Variants in AP4E1 observed in about 807,000 individuals in gnomAD.
AP4E1 encodes adaptor related protein complex 4 subunit epsilon 1, also known as AP-4 complex subunit epsilon-1.
Under a neutral mutation model 128.2 loss-of-function variants are expected in AP4E1, and 56 were observed. The observed-to-expected ratio is 0.44, with a 90% CI of 0.35 to 0.55. The LOEUF (loss-of-function observed/expected upper bound fraction) is 0.55. AP4E1 is among the 20% of genes least tolerant of loss of function. The pLI is 0.00. For missense variants in AP4E1, 1,324 were observed against 1,307.7 expected, an observed-to-expected ratio of 1.01 and a Z score of -0.19; for synonymous variants, 484 against 473.1, an observed-to-expected ratio of 1.02 and a Z score of -0.30.
intron 1 of AP4E1, among the ~76,000 whole-genome samples, chr15:50,909,775 C>T (rs2063541548): frequency 6.6e-6 from 1 of 151,926 alleles, no homozygotes; most frequent in Non-Finnish European, 1.5e-5. Flanking sequence ...ACAAGCTCCG[C>T]CTTCCGGGTT....
In AP4E1 at chr15:51,002,567, C is replaced by T. The variant is rs775470936; in HGVS notation, c.3319C>T (p.His1107Tyr). ...SIPCLLHCRV[H>Y]ADVLALWFRS... ...CCCCTGCTTACTGCATTGCCGAGTT[C>T]ATGCAGATGTATTAGCCCTGTGGTT... The change falls in exon 21 of 21, where the codon CAT becomes TAT. Residue 1107 changes from histidine (H) to tyrosine (Y), a missense_variant. Transcript: ENST00000261842. 1 of 1,614,182 alleles carries T rather than the reference C, an allele frequency of 6.2e-7. No individual in the cohort carries two copies. Among genetic ancestry groups the T allele is most frequent in the Admixed American group, 1.7e-5 (1 of 60,028 alleles).
chr15:50,981,238 G>A lies in AP4E1; in HGVS notation c.1967-2784G>A, dbSNP rs373320752. Among the ~76,000 whole-genome samples the A allele has an allele frequency of 5.9e-5, 9 of 152,332 alleles. No homozygotes were observed. In the East Asian group the frequency reaches 1.5e-3, roughly 26 times the overall value. On this transcript the variant is annotated intron_variant, in intron 15 of 20. Coordinates refer to ENST00000261842, the MANE Select transcript of AP4E1 (RefSeq NM_007347.5). The stretch of plus-strand genomic sequence containing the variant: ...TTGTCATAGATGTGGGGCTGCCTAA[G>A]GCCTTGAGTGTCCAACTCCTGCCCC...
At chr15:50,996,293 T>C (rs1207291120) in intron 17 of AP4E1, among the ~76,000 whole-genome samples, 1 of 151,816 alleles carries the variant, frequency 6.6e-6, no homozygotes, top group Non-Finnish European at 1.5e-5. Flanking sequence ...TCACCATGCC[T>C]GACCTCTAAT....
intron 7 of AP4E1, 98 bp downstream of exon 7, chr15:50,931,069 C>A: frequency 7.0e-7 from 1 of 1,431,934 alleles, no homozygotes; most frequent in Non-Finnish European, 9.8e-7. Flanking sequence ...CAGATTCTTC[C>A]AATGTTTAAT....
At chr15:50,959,876 C>G (rs2064286275) in intron 14 of AP4E1, among the ~76,000 whole-genome samples, 1 of 152,066 alleles carries the variant, frequency 6.6e-6, no homozygotes, top group Admixed American at 6.6e-5. Flanking sequence ...TATATGCTGC[C>G]TATAAGAAAC....
In AP4E1 at chr15:50,915,492, G is replaced by A. The variant is rs1195259322; in HGVS notation, c.267G>A (p.Met89Ile). ...TGGTGAGACTTATATATTGTGAAAT[G>A]CTTGGATATGATGCTTCCTTTGGCT... ...ECMVRLIYCE[M>I]LGYDASFGYI... The change falls in exon 3 of 21, where the codon ATG becomes ATA. Residue 89 changes from methionine (M) to isoleucine (I), a missense_variant. Coordinates refer to ENST00000261842, the MANE Select transcript of AP4E1 (RefSeq NM_007347.5). 2 of 1,613,512 alleles carry A rather than the reference G, an allele frequency of 1.2e-6. No homozygotes were observed. The highest frequency in any genetic ancestry group is 1.7e-6 in the Non-Finnish European group (2 of 1,179,658).
chr15:50,908,492 C>T (rs2063521849), upstream of AP4E1: 1 of 339,200 alleles, frequency 2.9e-6, no homozygotes, highest in African/African-American at 2.2e-5. Context: ...CTCAGGAGGA[C>T]TCACGGTTCT....
At chr15:50,919,002 G>A (rs924120650) in intron 3 of AP4E1, among the ~76,000 whole-genome samples, 1 of 152,106 alleles carries the variant, frequency 6.6e-6, no homozygotes, top group South Asian at 2.1e-4. Context: ...GCCGAGGTGG[G>A]CGGATCACCT....
intron 15 of AP4E1, among the ~76,000 whole-genome samples, chr15:50,982,574 A>G (rs2064658556): frequency 6.6e-6 from 1 of 152,216 alleles, no homozygotes; most frequent in South Asian, 2.1e-4. Flanking sequence ...CAGCATTTGG[A>G]AACTGTTGAC....
intron 5 of AP4E1, among the ~76,000 whole-genome samples, chr15:50,925,590 G>GA (rs2063758079): frequency 6.6e-6 from 1 of 151,182 alleles, no homozygotes; most frequent in Non-Finnish European, 1.5e-5. Flanking sequence ...TGGAAATTGT[G>GA]CAAGTGTTGT....
intron 3 of AP4E1, among the ~76,000 whole-genome samples, chr15:50,920,685 A>G (rs542106354): frequency 1.3e-5 from 2 of 152,308 alleles, no homozygotes; most frequent in South Asian, 4.1e-4. Flanking sequence ...GGCATGAGCC[A>G]CTGCGCCCGG....
rs147638518 is a variant in AP4E1, at chr15:50,948,134, G to A, written c.1291G>A (p.Gly431Ser). 7.7e-5 allele frequency: 125 copies of A among 1,613,856 alleles called. No homozygotes were observed. The Admixed American group carries it at 8.5e-4, about 11-fold the overall frequency. Reference protein sequence around the residue: ...KEEYVIVNLVGKIAELAEKYA... With the variant: ...KEEYVIVNLVSKIAELAEKYA... ...AGAGTATGTCATCGTCAATTTGGTC[G>A]GCAAAATAGCAGAGCTGGCTGAGAA... Residue 431 changes from glycine (G) to serine (S), a missense_variant, in exon 11 of 21, where the codon GGC becomes AGC. Gly to Ser is a moderately conservative substitution (Grantham distance 56, BLOSUM62 0). Transcript: ENST00000261842.
intron 18 of AP4E1, 145 bp from the exon 19 acceptor site, chr15:50,998,927 C>T (rs2064919118): frequency 1.4e-6 from 1 of 706,438 alleles, no homozygotes; most frequent in Non-Finnish European, 2.4e-6. Flanking sequence ...AGTGAAGTTG[C>T]CAGTCATCTT....
At chr15:50,915,414 T>C in intron 2 of AP4E1, 34 bp from the exon 3 acceptor site, 1 of 1,598,986 alleles carries the variant, frequency 6.3e-7, no homozygotes, top group African/African-American at 1.3e-5. Context: ...ATATTCTGTT[T>C]ATTTATACAG....
intron 6 of AP4E1, among the ~76,000 whole-genome samples, chr15:50,929,877 AAAAAATTTTCCCTTGATACAT>A (rs1165205902): frequency 6.6e-5 from 10 of 152,112 alleles, no homozygotes; most frequent in Admixed American, 5.2e-4. Context: ...TTTCCCTTCC[AAAAAATTTTCCCTTGATACAT>A]AATAAAAATT....
At chr15:50,976,825 A>T (rs776221091) in intron 15 of AP4E1, among the ~76,000 whole-genome samples, 1 of 152,230 alleles carries the variant, frequency 6.6e-6, no homozygotes, top group Non-Finnish European at 1.5e-5. Flanking sequence ...CAAGTGAGAA[A>T]GTTGTGTTTA....
intron 11 of AP4E1, among the ~76,000 whole-genome samples, chr15:50,949,068 C>G (rs2064108600): frequency 6.6e-6 from 1 of 151,688 alleles, no homozygotes; most frequent in Non-Finnish European, 1.5e-5. Context: ...GTAGTTTTGT[C>G]CTAGTCAGTG....
intron 14 of AP4E1, among the ~76,000 whole-genome samples, chr15:50,967,678 A>G (rs796074223): frequency 5.3e-5 from 8 of 152,360 alleles, no homozygotes; most frequent in African/African-American, 1.9e-4. Flanking sequence ...GGATGCCGTA[A>G]CATATTTGAT....
chr15:50,912,205 A>C, intron 2 of AP4E1, 56 bp downstream of exon 2: 1 of 1,433,082 alleles, frequency 7.0e-7, no homozygotes, highest in Non-Finnish European at 9.8e-7. Flanking sequence ...GTCACTGTGG[A>C]CTCAATAGTG....
Sources: allele counts gnomAD v4.1 joint callset (sites outside exome capture counted in the v4.1 genomes callset), GRCh38; gene constraint gnomAD v4.1.1; transcripts MANE v1.5; gene names NCBI Gene and HGNC (gene_info 2026-07-23, HGNC 2026-07-21).